RAPGEF5: variants seen among roughly 807,000 people sequenced by gnomAD.
RAPGEF5 encodes the protein M-Ras-regulated GEF.
RAPGEF5 carries 65 observed loss-of-function variants against 125.2 expected under a neutral mutation model. The observed-to-expected ratio is 0.52, with a 90% CI of 0.43 to 0.64. The LOEUF (loss-of-function observed/expected upper bound fraction) is 0.64. Among genes scored for constraint, RAPGEF5 ranks in the 30% least tolerant of loss-of-function variants. The pLI, the probability that RAPGEF5 is intolerant of heterozygous loss-of-function variation, is 0.00. For missense variants in RAPGEF5, 958 were observed against 1,048.1 expected, an observed-to-expected ratio of 0.91 and a Z score of 1.19; for synonymous variants, 391 against 385.9, an observed-to-expected ratio of 1.01 and a Z score of -0.16.
intron 9 of RAPGEF5, among the ~76,000 whole-genome samples, chr7:22,207,504 T>G (rs558093618): frequency 1.3e-5 from 2 of 152,212 alleles, no homozygotes; most frequent in Non-Finnish European, 2.9e-5. Context: ...ATTAAATTTT[T>G]ATTTTCTTCC....
intron 1 of RAPGEF5, among the ~76,000 whole-genome samples, chr7:22,352,715 T>C (rs1322277408): frequency 6.6e-6 from 1 of 152,242 alleles, no homozygotes; most frequent in Non-Finnish European, 1.5e-5. Context: ...ATCATTACTC[T>C]GATAGTTGGT....
rs1000890253 is a variant in RAPGEF5, at chr7:22,122,217, G to A, written c.*189C>T. 5.4e-6 allele frequency: 3 copies of A among 551,434 alleles called. No individual in the cohort carries two copies. The African/African-American group carries it at 5.6e-5, about 10-fold the overall frequency. The allele number at this position is 551,434 out of a possible 1,614,324, so 34.2% of individuals were successfully genotyped here. A position where few individuals can be genotyped will look rare whatever the true frequency, so the allele number is the denominator to read the frequency against. ...CTTCTTGTCCCGAGAGTAGCATGGA[G>A]AAACCTCTCCCCCTCTCTGGTGGCT... On this transcript the variant is annotated 3_prime_UTR_variant, in exon 26 of 26. Coordinates refer to ENST00000665637, the MANE Select transcript of RAPGEF5 (RefSeq NM_012294.5).
chr7:22,238,149 G>C (rs965135276), intron 7 of RAPGEF5, among the ~76,000 whole-genome samples: 1 of 152,132 alleles, frequency 6.6e-6, no homozygotes, highest in Non-Finnish European at 1.5e-5. Context: ...TGGCCATTGA[G>C]GGCAGGTTAA....
intron 1 of RAPGEF5, among the ~76,000 whole-genome samples, chr7:22,318,438 G>C (rs1783646891): frequency 6.6e-6 from 1 of 152,056 alleles, no homozygotes; most frequent in Admixed American, 6.6e-5. Context: ...CTGCTCTCTA[G>C]GTCACATCCC....
At chr7:22,290,067 T>C (rs1488741966) in intron 6 of RAPGEF5, among the ~76,000 whole-genome samples, 1 of 152,230 alleles carries the variant, frequency 6.6e-6, no homozygotes, top group Admixed American at 6.5e-5. Context: ...TGAACACACA[T>C]ATTTAATACA....
At chr7:22,232,601 G>A (rs1453402564) in intron 7 of RAPGEF5, among the ~76,000 whole-genome samples, 3 of 150,668 alleles carry the variant, frequency 2.0e-5, no homozygotes, top group African/African-American at 7.5e-5. Flanking sequence ...ATTACAAGGT[G>A]TGAGCCACCA....
At chr7:22,217,623 T>A (rs559314303) in intron 9 of RAPGEF5, among the ~76,000 whole-genome samples, 1 of 152,310 alleles carries the variant, frequency 6.6e-6, no homozygotes, top group African/African-American at 2.4e-5. Context: ...AGAAGGGAGA[T>A]GACAGAATGG....
chr7:22,279,433 A>T (rs1782626559), intron 6 of RAPGEF5, among the ~76,000 whole-genome samples: 1 of 152,220 alleles, frequency 6.6e-6, no homozygotes, highest in Non-Finnish European at 1.5e-5. Flanking sequence ...ACTAAGATAT[A>T]ATATATTCTT....
At chr7:22,297,920 T>G (rs1278919341) in intron 5 of RAPGEF5, among the ~76,000 whole-genome samples, 2 of 152,154 alleles carry the variant, frequency 1.3e-5, no homozygotes, top group African/African-American at 2.4e-5. Context: ...TTGAGGAAGT[T>G]CTCTTATATT....
At chr7:22,234,037 G>A (rs1201934039) in intron 7 of RAPGEF5, among the ~76,000 whole-genome samples, 4 of 152,106 alleles carry the variant, frequency 2.6e-5, no homozygotes, top group East Asian at 1.9e-4. Context: ...AGAAGACAGC[G>A]TAAATAACAT....
At chr7:22,284,319 G>A (rs979217455) in intron 6 of RAPGEF5, among the ~76,000 whole-genome samples, 1 of 152,172 alleles carries the variant, frequency 6.6e-6, no homozygotes, top group Non-Finnish European at 1.5e-5. Context: ...CCTACAGACT[G>A]ACAGTCCATA....
intron 3 of RAPGEF5, 22 bp from the exon 4 acceptor site, chr7:22,310,112 C>T: frequency 1.3e-6 from 2 of 1,521,640 alleles, no homozygotes; most frequent in Non-Finnish European, 1.8e-6. Flanking sequence ...CAAAGCCATT[C>T]ACAGTAAGAT....
At chr7:22,124,648 G>T (rs1859802) in intron 25 of RAPGEF5, among the ~76,000 whole-genome samples, 67,588 of 151,990 alleles carry the variant, frequency 0.44, 15,091 homozygotes, top group East Asian at 0.61. Flanking sequence ...ACTTTATATA[G>T]ACTTCTATAT....
At position 22,157,852 on chromosome 7, in the gene RAPGEF5, T is replaced by C. The variant is rs564466094; in HGVS notation, c.1557+3A>G. 1.1e-5 allele frequency: 17 copies of C among 1,611,968 alleles called. No homozygotes were observed. The Admixed American group carries it at 2.0e-4, about 19-fold the overall frequency. On this transcript the variant is annotated splice_donor_region_variant and intron_variant, in intron 15 of 25. Coordinates refer to ENST00000665637, the MANE Select transcript of RAPGEF5 (RefSeq NM_012294.5). ...AATTTTAGGTATAGAAGCATCTGCTTACCTTTTTTTGTGGTGAATATTCAT... is the reference window on the plus strand; with the variant it reads ...AATTTTAGGTATAGAAGCATCTGCTCACCTTTTTTTGTGGTGAATATTCAT...
At chr7:22,201,526 T>C (rs1050946508) in intron 9 of RAPGEF5, among the ~76,000 whole-genome samples, 1 of 152,224 alleles carries the variant, frequency 6.6e-6, no homozygotes, top group African/African-American at 2.4e-5. Context: ...CTTCCTGCTG[T>C]CCAGAAAACA....
chr7:22,295,705 C>T (rs1287326007), intron 5 of RAPGEF5, among the ~76,000 whole-genome samples: 1 of 151,922 alleles, frequency 6.6e-6, no homozygotes, highest in Non-Finnish European at 1.5e-5. Context: ...ATTTTGTTCA[C>T]TTACGATGCC....
At chr7:22,310,147 A>T in intron 3 of RAPGEF5, 57 bp from the exon 4 acceptor site, 3 of 1,426,064 alleles carry the variant, frequency 2.1e-6, no homozygotes, top group Non-Finnish European at 2.8e-6. Context: ...TTTGCCAAAA[A>T]AACAAAAATG....
chr7:22,213,628 C>T (rs1486636669), intron 9 of RAPGEF5, among the ~76,000 whole-genome samples: 1 of 152,062 alleles, frequency 6.6e-6, no homozygotes, highest in Non-Finnish European at 1.5e-5. Context: ...ACTTTAATAC[C>T]AATCCAACAC....
intron 7 of RAPGEF5, among the ~76,000 whole-genome samples, chr7:22,251,648 T>C (rs1170829070): frequency 6.6e-6 from 1 of 152,074 alleles, no homozygotes; most frequent in Non-Finnish European, 1.5e-5. Flanking sequence ...TGATTTGGTA[T>C]CACTAACCCA....
Sources: gnomAD v4.1 joint callset for allele counts (sites outside exome capture counted in the v4.1 genomes callset) on GRCh38, gnomAD v4.1.1 for gene constraint, MANE v1.5 for transcripts, NCBI Gene and HGNC (gene_info 2026-07-23, HGNC 2026-07-21) for gene names.